Variants in MRAP2 observed in about 807,000 individuals in gnomAD.
MRAP2 encodes the protein melanocortin 2 receptor accessory protein 2, also known as melanocortin-2 receptor accessory protein 2.
In MRAP2, 20 loss-of-function variants were observed where a neutral mutation model predicts 17.4. That is an observed-to-expected ratio of 1.15 (90% confidence interval 0.81 to 1.67). The LOEUF (loss-of-function observed/expected upper bound fraction) is 1.67, where lower values mean the gene tolerates loss of function less well. Ranked by LOEUF, MRAP2 falls within the 40% of genes most tolerant of loss-of-function variation. MRAP2 has a pLI of 0.00. For missense variants in MRAP2, 238 were observed against 240.0 expected (o/e 0.99, Z 0.05); for synonymous variants, 96 against 88.4 (o/e 1.09, Z -0.48).
At chr6:84,088,730 G>T (rs1315649067) in intron 3 of MRAP2, among the ~76,000 whole-genome samples, 8 of 152,136 alleles carry the variant, frequency 5.3e-5, no homozygotes, top group Admixed American at 4.6e-4. Flanking sequence ...GATTCTGAGG[G>T]TCTGTGACCC....
chr6:84,111,420 G>A, the MRAP2 span, among the ~76,000 whole-genome samples: 1 of 152,094 alleles, frequency 6.6e-6, no homozygotes, highest in African/African-American at 2.4e-5. Context: ...TATTATTTGT[G>A]TATAGGAATG....
chr6:84,106,545 ATGT>A, the MRAP2 span, among the ~76,000 whole-genome samples: 6 of 152,116 alleles, frequency 3.9e-5, no homozygotes, highest in Admixed American at 3.9e-4. Flanking sequence ...GTGGAGGTCC[ATGT>A]TGTTGAGCCT....
chr6:84,134,360 T>C, the MRAP2 span, among the ~76,000 whole-genome samples: 1 of 151,908 alleles, frequency 6.6e-6, no homozygotes, highest in Non-Finnish European at 1.5e-5. Flanking sequence ...TTTCCAGGGG[T>C]GTCTTGCTGG....
At chr6:84,108,525 GTTGT>G in the MRAP2 span, among the ~76,000 whole-genome samples, 1 of 151,910 alleles carries the variant, frequency 6.6e-6, no homozygotes, top group East Asian at 1.9e-4. Flanking sequence ...TTTTAGTGGG[GTTGT>G]TTATTTTTTT....
At chr6:84,034,449 T>C (rs1364689347) in intron 1 of MRAP2, among the ~76,000 whole-genome samples, 1 of 151,678 alleles carries the variant, frequency 6.6e-6, no homozygotes, top group East Asian at 2.0e-4. Flanking sequence ...TAGAGGGAAA[T>C]AGGGGTTTTA....
Position 84,064,591 on chromosome 6 carries a change from C to G in MRAP2, c.227+1599C>G, listed in dbSNP as rs561988249. Among the ~76,000 whole-genome samples the G allele has an allele frequency of 2.3e-4, 34 of 148,388 alleles. No homozygotes were observed. The East Asian group carries it at 4.7e-3, about 20-fold the overall frequency. On this transcript the variant is annotated intron_variant, in intron 3 of 3. Coordinates refer to ENST00000257776, the MANE Select transcript of MRAP2 (RefSeq NM_138409.4). Reference sequence around the variant, plus strand: ...CAAGCTCCGCCTCCCGGGTTCACGCCATTCTCCTGCCTCAGCCTCCCCAGT... The same window carrying G: ...CAAGCTCCGCCTCCCGGGTTCACGCGATTCTCCTGCCTCAGCCTCCCCAGT...
At chr6:84,049,799 G>A (rs909957838) in intron 1 of MRAP2, among the ~76,000 whole-genome samples, 1 of 152,016 alleles carries the variant, frequency 6.6e-6, no homozygotes, top group African/African-American at 2.4e-5. Flanking sequence ...GGAGAAGGGG[G>A]GATAGGCAGG....
chr6:84,062,104 A>C (rs1374303127), intron 2 of MRAP2: 9 of 985,346 alleles, frequency 9.1e-6, no homozygotes, highest in Non-Finnish European at 1.1e-5. Flanking sequence ...TTGAGATGCT[A>C]ACCAATTGAG....
chr6:84,135,866 AAAC>A, the MRAP2 span, among the ~76,000 whole-genome samples: 1 of 152,198 alleles, frequency 6.6e-6, no homozygotes, highest in Admixed American at 6.5e-5. Flanking sequence ...TGTCTCAAAA[AAAC>A]AACAAAAAAA....
At chr6:84,087,300 A>G (rs1370701065) in intron 3 of MRAP2, among the ~76,000 whole-genome samples, 6 of 152,202 alleles carry the variant, frequency 3.9e-5, no homozygotes, top group Non-Finnish European at 7.3e-5. Flanking sequence ...ATAAGAGACA[A>G]TGGTTGCATT....
At chr6:84,096,667 G>T in the MRAP2 span, among the ~76,000 whole-genome samples, 1 of 152,186 alleles carries the variant, frequency 6.6e-6, no homozygotes, top group Non-Finnish European at 1.5e-5. Flanking sequence ...AGTTAGAGCA[G>T]GGGAAAAGCC....
intron 3 of MRAP2, among the ~76,000 whole-genome samples, chr6:84,074,977 G>T (rs574884149): frequency 6.6e-6 from 1 of 152,300 alleles, no homozygotes; most frequent in South Asian, 2.1e-4. Context: ...TATGTGCTAG[G>T]CTAGGCTGTC....
the MRAP2 span, among the ~76,000 whole-genome samples, chr6:84,136,215 C>T: frequency 0.01 from 1,530 of 152,204 alleles, 20 homozygotes; most frequent in African/African-American, 0.035. Flanking sequence ...TTTTTCTTGG[C>T]AGTGATTGGT....
intron 3 of MRAP2, among the ~76,000 whole-genome samples, chr6:84,068,371 T>C (rs1359909511): frequency 3.1e-5 from 4 of 129,738 alleles, no homozygotes; most frequent in Non-Finnish European, 6.2e-5. Flanking sequence ...TTATGCAAGC[T>C]CTTTTTTGTT....
chr6:84,105,922 C>CA, the MRAP2 span, among the ~76,000 whole-genome samples: 1 of 152,116 alleles, frequency 6.6e-6, no homozygotes, highest in Non-Finnish European at 1.5e-5. Flanking sequence ...GCTAGTGGGT[C>CA]ACTAGGGGTA....
At chr6:84,104,463 T>G in the MRAP2 span, among the ~76,000 whole-genome samples, 1 of 152,262 alleles carries the variant, frequency 6.6e-6, no homozygotes, top group African/African-American at 2.4e-5. Flanking sequence ...TTTTCTTTTC[T>G]ATCGCATAGT....
At chr6:84,128,642 CAAATA>C in the MRAP2 span, among the ~76,000 whole-genome samples, 2 of 151,910 alleles carry the variant, frequency 1.3e-5, no homozygotes, top group South Asian at 2.1e-4. Flanking sequence ...TGATGAGAAT[CAAATA>C]AAATAAGGTA....
chr6:84,041,248 A>G (rs1329520437), intron 1 of MRAP2, among the ~76,000 whole-genome samples: 2 of 152,264 alleles, frequency 1.3e-5, no homozygotes, highest in Non-Finnish European at 2.9e-5. Flanking sequence ...ACAGAGGTCA[A>G]GAATTGAGGT....
At chr6:84,117,237 G>C in the MRAP2 span, among the ~76,000 whole-genome samples, 2 of 152,228 alleles carry the variant, frequency 1.3e-5, no homozygotes, top group East Asian at 3.9e-4. Flanking sequence ...TGGCCAGGCT[G>C]GTCTTGAACT....
Sources: allele counts gnomAD v4.1 joint callset (sites outside exome capture counted in the v4.1 genomes callset), GRCh38; gene constraint gnomAD v4.1.1; transcripts MANE v1.5; gene names NCBI Gene and HGNC (gene_info 2026-07-23, HGNC 2026-07-21).